The following DIS3L2 variants were observed in gnomAD, a reference collection of about 807,000 sequenced individuals.
DIS3L2 encodes DIS3-like exonuclease 2.
Under a neutral mutation model 97.5 loss-of-function variants are expected in DIS3L2, and 34 were observed. That is an observed-to-expected ratio of 0.35 (90% CI 0.27 to 0.46). DIS3L2 has a LOEUF of 0.46. DIS3L2 is among the 20% of genes least tolerant of loss of function. DIS3L2 has a pLI of 1.00. For synonymous variants in DIS3L2, 435 were observed against 445.2 expected, an observed-to-expected ratio of 0.98 and a Z score of 0.29; for missense variants, 1,038 against 1,146.0, an observed-to-expected ratio of 0.91 and a Z score of 1.36.
intron 6 of DIS3L2, among the ~76,000 whole-genome samples, chr2:232,110,057 C>T (rs1697478859): frequency 6.6e-6 from 1 of 152,134 alleles, no homozygotes; most frequent in Non-Finnish European, 1.5e-5. Context: ...TGAACAGACC[C>T]TTCTCAAAAG....
At chr2:232,015,751 C>G in intron 3 of DIS3L2, 80 bp downstream of exon 3, 1 of 1,512,972 alleles carries the variant, frequency 6.6e-7, no homozygotes, top group Non-Finnish European at 8.9e-7. Context: ...CTGTTCTGTG[C>G]TATATGCTTT....
intron 13 of DIS3L2, among the ~76,000 whole-genome samples, chr2:232,296,260 C>T (rs1277966942): frequency 6.6e-6 from 1 of 152,222 alleles, no homozygotes. Context: ...ATCACCAAGT[C>T]CTGTAATGCT....
At chr2:232,297,309 G>T (rs2106318487) in intron 13 of DIS3L2, among the ~76,000 whole-genome samples, 1 of 152,320 alleles carries the variant, frequency 6.6e-6, no homozygotes, top group African/African-American at 2.4e-5. Context: ...TGCCTTGCCA[G>T]CTCATCTCCC....
chr2:232,059,054 G>A (rs920632449), intron 5 of DIS3L2, among the ~76,000 whole-genome samples: 1 of 152,122 alleles, frequency 6.6e-6, no homozygotes, highest in Non-Finnish European at 1.5e-5. Flanking sequence ...CTGGGGTAAA[G>A]CATCTGTCAG....
At chr2:232,203,777 A>G (rs1691959093) in intron 9 of DIS3L2, among the ~76,000 whole-genome samples, 1 of 152,264 alleles carries the variant, frequency 6.6e-6, no homozygotes, top group African/African-American at 2.4e-5. Context: ...GATAGCTTCT[A>G]TTCTTTGGGG....
intron 1 of DIS3L2, chr2:231,978,689 G>C (rs1289373374): frequency 1.3e-5 from 2 of 152,210 alleles, no homozygotes; most frequent in Admixed American, 6.5e-5. Context: ...GCTCTTCAAG[G>C]GGGTGTTAGC....
At chr2:232,333,185 T>G (rs1221984439) in intron 16 of DIS3L2, among the ~76,000 whole-genome samples, 39 of 7,520 alleles carry the variant, frequency 5.2e-3, no homozygotes, top group African/African-American at 7.6e-3. Context: ...CGCCTCCTCC[T>G]CCTCCTCCTC....
At chr2:232,247,616 C>CGGTGGG (rs1559173558) in intron 11 of DIS3L2, among the ~76,000 whole-genome samples, 2 of 6,516 alleles carry the variant, frequency 3.1e-4, no homozygotes, top group African/African-American at 3.1e-4. Flanking sequence ...ATAACTGCCG[C>CGGTGGG]GGGGGGGGGG....
chr2:232,306,738 A>T (rs989680789), intron 14 of DIS3L2, among the ~76,000 whole-genome samples: 12 of 152,194 alleles, frequency 7.9e-5, no homozygotes, highest in African/African-American at 2.9e-4. Flanking sequence ...TGATGCTGCC[A>T]ACAGAGGCCC....
Position 232,034,856 on chromosome 2 carries a change from T to C in DIS3L2, c.366+4776T>C, listed in dbSNP as rs183230829. On this transcript the variant is annotated intron_variant, in intron 5 of 20. Transcript: ENST00000325385. ...ACTATTTGTTAAGATTTCCATTGTT[T>C]TGCATTTGCTGAGAAGTGTTTTACT... 4.0e-4 allele frequency among the ~76,000 whole-genome samples: 61 copies of C among 152,344 alleles called. 1 individual carries two copies. Among genetic ancestry groups the C allele is most frequent in the African/African-American group, 1.4e-3 (59 of 41,580 alleles).
rs1021555252 is a variant in DIS3L2, at chr2:232,210,332, C to T, written c.1131C>T (p.Asp377=). Residue 377 remains aspartate, a synonymous_variant, in exon 10 of 21, where the codon GAC becomes GAT. Transcript: ENST00000325385. ...TTTCTTCACTCTTTCCTAGAAAAGA[C>T]TGTATCTTCACCATTGACCCATCAA... ...EFSKRRDLRK[D]CIFTIDPSTA... is the part of the protein sequence containing the mutation. The T allele has an allele frequency of 3.5e-5, 56 of 1,613,066 alleles. No individual in the cohort carries two copies. The highest frequency in any genetic ancestry group is 4.6e-5 in the Non-Finnish European group (54 of 1,179,230).
chr2:232,293,569 C>A lies in DIS3L2; in HGVS notation c.1660-6471C>A, dbSNP rs901421288. Among the ~76,000 whole-genome samples, 1 of 152,156 alleles carries A rather than the reference C, an allele frequency of 6.6e-6. No individual in the cohort carries two copies. Among genetic ancestry groups the A allele is most frequent in the South Asian group, 2.1e-4 (1 of 4,826 alleles). ...CTCTGAACCCCTCAGGGAAGTGGAC[C>A]GCGTCGGGGAGTGCATGGAGCTCTG... On this transcript the variant is annotated intron_variant, in intron 13 of 20. Transcript: ENST00000325385. The surrounding 1 kb of genome is among the most constrained non-coding windows in gnomAD (Gnocchi z 4.6).
rs1433716881 is a variant in DIS3L2 at position 232,085,687 on chromosome 2, A to AT, written c.367-1793dup. 7.9e-5 allele frequency among the ~76,000 whole-genome samples: 12 copies of AT among 152,258 alleles called. No individual in the cohort carries two copies. The East Asian group carries it at 2.3e-3, about 29-fold the overall frequency. ...GGGCAGATTTACATGTAGGGTCACA[A>AT]TTTTTTTCAGTGACTCAATAACACC... On this transcript the variant is annotated intron_variant, in intron 5 of 20. Transcript: ENST00000325385.
rs560810604 is a variant in DIS3L2, at chr2:232,293,391, T to C, written c.1660-6649T>C. On this transcript the variant is annotated intron_variant, in intron 13 of 20. Transcript: ENST00000325385. The surrounding 1 kb of genome is among the most constrained non-coding windows in gnomAD (Gnocchi z 4.6). Reference sequence around the variant, plus strand: ...CCAGGAGACCTGGTGAAGCCACCCTTGGATTCTCTGGGGGAAATACCTCTG... The same window carrying C: ...CCAGGAGACCTGGTGAAGCCACCCTCGGATTCTCTGGGGGAAATACCTCTG... Among the ~76,000 whole-genome samples the C allele has an allele frequency of 4.0e-3, 602 of 152,256 alleles. 5 individuals are homozygous for C. Among genetic ancestry groups the C allele is most frequent in the African/African-American group, 0.014 (570 of 41,562 alleles).
intron 1 of DIS3L2, among the ~76,000 whole-genome samples, chr2:232,005,133 G>T (rs1167749183): frequency 6.9e-6 from 1 of 145,044 alleles, no homozygotes; most frequent in African/African-American, 2.5e-5. Context: ...ATTTTATGTA[G>T]ACTCTGAATT....
chr2:231,977,536 G>A (rs113457714), intron 1 of DIS3L2, among the ~76,000 whole-genome samples: 2 of 152,116 alleles, frequency 1.3e-5, no homozygotes, highest in Non-Finnish European at 2.9e-5. Flanking sequence ...GTGTGATCTT[G>A]TACTGTGCTA....
chr2:232,112,727 G>A (rs912115388), intron 6 of DIS3L2, among the ~76,000 whole-genome samples: 2 of 152,134 alleles, frequency 1.3e-5, no homozygotes, highest in Non-Finnish European at 2.9e-5. Context: ...TCTAGCAACT[G>A]TAGACAGTGG....
chr2:232,338,523 C>T (rs1466270223), downstream of DIS3L2, among the ~76,000 whole-genome samples: 1 of 146,604 alleles, frequency 6.8e-6, no homozygotes, highest in East Asian at 2.3e-4. Context: ...CCCACCCCAT[C>T]TGGGGAAGTG....
Position 232,163,622 on chromosome 2 carries a change from A to G in DIS3L2, c.1114A>G (p.Arg372Gly). The change falls in exon 9 of 21, where the codon AGG becomes GGG. Residue 372 changes from arginine to glycine, a missense_variant. Coordinates refer to ENST00000325385, the MANE Select transcript of DIS3L2 (RefSeq NM_152383.5). Reference protein sequence around the residue: ...TIPPEEFSKRRDLRKDCIFTI... With the variant: ...TIPPEEFSKRGDLRKDCIFTI... ...TCCACCAGAGGAGTTCAGCAAGAGA[A>G]GGGATTTAAGGTAAGCACCTGAAAC... 1.2e-6 allele frequency: 2 copies of G among 1,613,236 alleles called. No individual in the cohort carries two copies. The highest frequency in any genetic ancestry group is 1.7e-6 in the Non-Finnish European group (2 of 1,179,948).
Sources: gnomAD v4.1 joint callset for allele counts (sites outside exome capture counted in the v4.1 genomes callset) on GRCh38, gnomAD v4.1.1 for gene constraint, Gnocchi (gnomAD v3.1) non-coding constraint, MANE v1.5 for transcripts, NCBI Gene and HGNC (gene_info 2026-07-23, HGNC 2026-07-21) for gene names.